The following ATG7 variants were observed in gnomAD, a reference collection of about 807,000 sequenced individuals.
ATG7 encodes autophagy related 7.
In ATG7, 70 loss-of-function variants were observed where a neutral mutation model predicts 82.4. That is an observed-to-expected ratio of 0.85 (90% confidence interval 0.70 to 1.04). The LOEUF (loss-of-function observed/expected upper bound fraction) is 1.04. ATG7 is among the 50% of genes least tolerant of loss of function. The pLI is 0.00. For missense variants in ATG7, 792 were observed against 864.3 expected (o/e 0.92, Z 1.05); for synonymous variants, 287 against 313.0 (o/e 0.92, Z 0.88).
At chr3:11,552,703 T>C (rs2071925134) in intron 20 of ATG7, among the ~76,000 whole-genome samples, 1 of 152,110 alleles carries the variant, frequency 6.6e-6, no homozygotes, top group Non-Finnish European at 1.5e-5. Context: ...GCACAATAAG[T>C]CTTCTGGGTG....
intron 13 of ATG7, among the ~76,000 whole-genome samples, chr3:11,344,445 T>G (rs978343220): frequency 6.6e-6 from 1 of 152,252 alleles, no homozygotes; most frequent in Non-Finnish European, 1.5e-5. Flanking sequence ...AATGTCGAGC[T>G]TTATCAACTA....
chr3:11,414,450 T>C (rs1020087371), intron 19 of ATG7, among the ~76,000 whole-genome samples: 10 of 152,226 alleles, frequency 6.6e-5, no homozygotes, highest in African/African-American at 2.2e-4. Flanking sequence ...ACAGTGTTTT[T>C]ATTTATTTGG....
rs1364818167 is a variant in ATG7 at position 11,342,892 on chromosome 3, A to G, written c.1125+613A>G. On this transcript the variant is annotated intron_variant, in intron 13 of 20. Coordinates refer to ENST00000693202, the MANE Select transcript of ATG7 (RefSeq NM_001349232.2). ...AGAATTACTGTGTTAGAGAGAGTAT[A>G]GAATTTGAATGTCAATATTTTATAT... Among the ~76,000 whole-genome samples, 4 of 151,820 alleles carry G rather than the reference A, an allele frequency of 2.6e-5. No individual in the cohort carries two copies. The East Asian group carries it at 7.7e-4, about 29-fold the overall frequency.
At chr3:11,467,973 G>A (rs988591722) in intron 20 of ATG7, among the ~76,000 whole-genome samples, 8 of 152,114 alleles carry the variant, frequency 5.3e-5, no homozygotes, top group Non-Finnish European at 1.2e-4. Context: ...TTGGAAACTG[G>A]GCAGAGTTGT....
chr3:11,317,657 A>C (rs1270262720), intron 9 of ATG7, among the ~76,000 whole-genome samples: 11 of 141,936 alleles, frequency 7.7e-5, no homozygotes, highest in African/African-American at 2.9e-4. Context: ...CAGTGGCACG[A>C]TCTCGGCTCA....
chr3:11,502,309 G>A (rs1034048373), intron 20 of ATG7, among the ~76,000 whole-genome samples: 4 of 148,978 alleles, frequency 2.7e-5, no homozygotes, highest in Non-Finnish European at 5.9e-5. Context: ...GTGCCATGCT[G>A]GTGTGCTGCA....
At chr3:11,501,909 A>G (rs1410342860) in intron 20 of ATG7, among the ~76,000 whole-genome samples, 4 of 152,052 alleles carry the variant, frequency 2.6e-5, no homozygotes, top group Non-Finnish European at 5.9e-5. Context: ...AGGCTGGTCT[A>G]GAACTCCTGA....
chr3:11,325,771 TTTGA>T (rs756352366), intron 9 of ATG7, among the ~76,000 whole-genome samples: 2 of 152,108 alleles, frequency 1.3e-5, no homozygotes, highest in Admixed American at 1.3e-4. Context: ...ATCCAGAATG[TTTGA>T]TTAAGGGCCC....
chr3:11,329,547 C>A (rs745596671), intron 9 of ATG7, among the ~76,000 whole-genome samples: 6 of 152,076 alleles, frequency 3.9e-5, no homozygotes, highest in Admixed American at 3.9e-4. Context: ...TTTTATCATA[C>A]AAAAAACATT....
At chr3:11,533,707 C>T (rs901115619) in intron 20 of ATG7, among the ~76,000 whole-genome samples, 2 of 151,978 alleles carry the variant, frequency 1.3e-5, no homozygotes, top group Non-Finnish European at 2.9e-5. Context: ...TTTTTGAAGC[C>T]ACAGTTGTTA....
intron 20 of ATG7, among the ~76,000 whole-genome samples, chr3:11,465,671 G>T (rs572290352): frequency 6.6e-6 from 1 of 151,898 alleles, no homozygotes; most frequent in Admixed American, 6.6e-5. Flanking sequence ...GAACTGAGGG[G>T]GAAGGATTGC....
chr3:11,316,167 T>A (rs1442728754), intron 9 of ATG7, among the ~76,000 whole-genome samples: 3 of 152,198 alleles, frequency 2.0e-5, no homozygotes, highest in Non-Finnish European at 4.4e-5. Flanking sequence ...CTTGTTTCCA[T>A]GTTGTGCAAC....
At chr3:11,275,261 T>C (rs1381119416) in intron 1 of ATG7, among the ~76,000 whole-genome samples, 1 of 152,114 alleles carries the variant, frequency 6.6e-6, no homozygotes. Flanking sequence ...AACCCTGACC[T>C]CTGATTTTAT....
At position 11,358,400 on chromosome 3, in the gene ATG7, G is replaced by GTC; in HGVS notation, c.1285-17_1285-16dup. The GTC allele has an allele frequency of 6.8e-6, 11 of 1,606,520 alleles. No homozygotes were observed. Among genetic ancestry groups the GTC allele is most frequent in the Non-Finnish European group, 8.5e-6 (10 of 1,175,920 alleles). On this transcript the variant is annotated splice_polypyrimidine_tract_variant and intron_variant, in intron 14 of 20. Coordinates refer to ENST00000693202, the MANE Select transcript of ATG7 (RefSeq NM_001349232.2). ...ATACCATTGCTCCAGACATAACTAC[G>GTC]TCCTGGTGTTTCCCTAGAATGCCAG...
intron 20 of ATG7, among the ~76,000 whole-genome samples, chr3:11,519,196 A>C (rs944889694): frequency 4.6e-5 from 7 of 152,288 alleles, no homozygotes; most frequent in Middle Eastern, 3.4e-3. Flanking sequence ...TAACCAGCAA[A>C]AGGAATAAAT....
At chr3:11,405,156 G>A (rs771403254) in intron 19 of ATG7, among the ~76,000 whole-genome samples, 5 of 152,122 alleles carry the variant, frequency 3.3e-5, no homozygotes, top group Non-Finnish European at 5.9e-5. Context: ...TGGAAAAAAG[G>A]CTGGGTGAAT....
intron 20 of ATG7, among the ~76,000 whole-genome samples, chr3:11,469,950 T>C (rs6786166): frequency 0.52 from 75,321 of 143,758 alleles, 20,104 homozygotes; most frequent in East Asian, 0.67. Flanking sequence ...GATTGTGCCA[T>C]TGCTCTCCAG....
At chr3:11,568,068 C>T in the ATG7 span, among the ~76,000 whole-genome samples, 7 of 152,214 alleles carry the variant, frequency 4.6e-5, no homozygotes, top group Non-Finnish European at 7.3e-5. The surrounding 1 kb of genome is among the most constrained non-coding windows in gnomAD (Gnocchi z 5.9). Flanking sequence ...CATGGGCTTA[C>T]AATCTAGCAG....
intron 20 of ATG7, among the ~76,000 whole-genome samples, chr3:11,441,173 C>T (rs568534453): frequency 1.3e-5 from 2 of 152,274 alleles, no homozygotes; most frequent in Non-Finnish European, 2.9e-5. Flanking sequence ...CCTTAATCCT[C>T]TTTGAAAGAG....
Sources: gnomAD v4.1 joint callset for allele counts (sites outside exome capture counted in the v4.1 genomes callset) on GRCh38, gnomAD v4.1.1 for gene constraint, Gnocchi (gnomAD v3.1) non-coding constraint, MANE v1.5 for transcripts, NCBI Gene and HGNC (gene_info 2026-07-23, HGNC 2026-07-21) for gene names.